The following LDHB variants were observed in gnomAD, a reference collection of about 807,000 sequenced individuals.
The protein encoded by LDHB is L-lactate dehydrogenase B chain.
In LDHB, 18 loss-of-function variants were observed where a neutral mutation model predicts 33.4. The ratio of observed to expected loss-of-function variants is 0.54; its 90% CI spans 0.37 to 0.80. LDHB has a LOEUF of 0.80. Among genes scored for constraint, LDHB ranks in the 30% least tolerant of loss-of-function variants. The probability of loss-of-function intolerance (pLI) is 0.00; values close to 1 mark genes in which losing one functional copy is unlikely to be tolerated. For missense variants in LDHB, 345 were observed against 407.9 expected (o/e 0.85, Z 1.33); for synonymous variants, 121 against 140.6 (o/e 0.86, Z 0.98).
intron 5 of LDHB, among the ~76,000 whole-genome samples, chr12:21,639,571 G>A (rs192169906): frequency 6.6e-6 from 1 of 152,020 alleles, no homozygotes; most frequent in East Asian, 1.9e-4. Flanking sequence ...ACTACACCTA[G>A]CATTTACTGA....
In LDHB at chr12:21,654,563, C is replaced by T. The variant is rs1407995253; in HGVS notation, c.109G>A (p.Ala37Thr). Residue 37 changes from alanine (A) to threonine (T), a missense_variant, in exon 2 of 8, where the codon GCT becomes ACT. Ala to Thr is a moderately conservative substitution (Grantham distance 58, BLOSUM62 0). Transcript: ENST00000350669. ...TGTACCTTTCCCAGAATGCTGATAG[C>T]ACACGCCATACCAACTTGTCCAACA... ...VGVGQVGMAC[A>T]ISILGKSLAD... 1 of 1,614,128 alleles carries T rather than the reference C, an allele frequency of 6.2e-7. No homozygotes were observed. Among genetic ancestry groups the T allele is most frequent in the Non-Finnish European group, 8.5e-7 (1 of 1,179,976 alleles).
chr12:21,654,627 T>G lies in LDHB; in HGVS notation c.45A>C (p.Glu15Asp). ...TCTTATTGTTTGGAACTGTTGCCTC[T>G]TCTTCCGCAACTGGTGCAATGAGTT... is the stretch of plus-strand genomic sequence containing the variant. ...KEKLIAPVAEEEATVPNNKIT... is the reference protein window; with the variant it reads ...KEKLIAPVAEDEATVPNNKIT... Residue 15 changes from glutamate (E) to aspartate (D), a missense_variant, in exon 2 of 8, where the codon GAA (glutamate) becomes GAC (aspartate). Physicochemically the swap from Glu to Asp is conservative, Grantham distance 45. Transcript: ENST00000350669. 2 of 1,614,004 alleles carry G rather than the reference T, an allele frequency of 1.2e-6. No homozygotes were observed. Among genetic ancestry groups the G allele is most frequent in the African/African-American group, 1.3e-5 (1 of 75,054 alleles).
intron 5 of LDHB, among the ~76,000 whole-genome samples, chr12:21,640,799 T>C (rs1179523228): frequency 2.0e-5 from 3 of 151,934 alleles, no homozygotes; most frequent in Admixed American, 2.0e-4. Flanking sequence ...TGGTGCAATT[T>C]ATTGTGCAAG....
chr12:21,644,453 A>AAAAAAAAAAAAACC (rs371337937), intron 3 of LDHB, among the ~76,000 whole-genome samples: 20 of 113,126 alleles, frequency 1.8e-4, no homozygotes, highest in African/African-American at 5.2e-4. Flanking sequence ...AAACAAAAAC[A>AAAAAAAAAAAAACC]AAAACCAATT....
At chr12:21,656,499 G>C (rs193238982) in intron 1 of LDHB, among the ~76,000 whole-genome samples, 1 of 152,154 alleles carries the variant, frequency 6.6e-6, no homozygotes, top group Admixed American at 6.5e-5. Context: ...GTTGTTAGAT[G>C]GTCTGTTTAC....
chr12:21,637,009 T>C (rs1938236911), intron 7 of LDHB, 62 bp downstream of exon 7: 4 of 1,358,968 alleles, frequency 2.9e-6, no homozygotes, highest in Non-Finnish European at 4.2e-6. Context: ...CCTCTTTAAA[T>C]GAATCTTTTT....
At position 21,638,420 on chromosome 12, in the gene LDHB, T is replaced by A. The variant is rs1938275393; in HGVS notation, c.646A>T (p.Asn216Tyr). 6.2e-7 allele frequency: 1 copy of A among 1,612,186 alleles called. No homozygotes were observed. Among genetic ancestry groups the A allele is most frequent in the African/African-American group, 1.3e-5 (1 of 74,874 alleles). Residue 216 changes from asparagine to tyrosine, a missense_variant, in exon 6 of 8, where the codon AAT becomes TAT. Coordinates refer to ENST00000350669, the MANE Select transcript of LDHB (RefSeq NM_002300.8). ...TCATTGTCAGTTCCCATTTCTGGAT[T>A]CAATTCCTGGAGAGAAACACCTGCC... ...NVAGVSLQELNPEMGTDNDSE... is the reference protein window; with the variant it reads ...NVAGVSLQELYPEMGTDNDSE...
chr12:21,649,343 ATT>A (rs1938616476), intron 2 of LDHB, among the ~76,000 whole-genome samples: 1 of 152,230 alleles, frequency 6.6e-6, no homozygotes, highest in Non-Finnish European at 1.5e-5. Flanking sequence ...GTAACACTGA[ATT>A]TAGCTGCATC....
chr12:21,646,882 G>A lies in LDHB; in HGVS notation c.247+17C>T, dbSNP rs1211404490. ...TGAAAAAAATATTAGATCACTTTGGGCATTAAGTGAAATTACCTTTATCTG... is the reference window on the plus strand; with the variant it reads ...TGAAAAAAATATTAGATCACTTTGGACATTAAGTGAAATTACCTTTATCTG... On this transcript the variant is annotated intron_variant, in intron 3 of 7. Coordinates refer to ENST00000350669, the MANE Select transcript of LDHB (RefSeq NM_002300.8). The A allele has an allele frequency of 3.6e-6, 5 of 1,387,872 alleles. No homozygotes were observed. The highest frequency in any genetic ancestry group is 5.1e-6 in the Non-Finnish European group (5 of 973,774). 86.0% of individuals were successfully genotyped at this position (1,387,872 alleles called of 1,614,324 possible).
chr12:21,641,264 G>A (rs552856702), intron 5 of LDHB, among the ~76,000 whole-genome samples: 1 of 152,174 alleles, frequency 6.6e-6, no homozygotes, highest in South Asian at 2.1e-4. Context: ...ACCAATTGTT[G>A]GCCACACTGA....
intron 2 of LDHB, 84 bp downstream of exon 2, chr12:21,654,459 G>T: frequency 7.7e-7 from 1 of 1,303,394 alleles, no homozygotes; most frequent in Non-Finnish European, 1.1e-6. Flanking sequence ...ATCTTTTAAA[G>T]ATATAATAAA....
chr12:21,651,115 G>A (rs1033218168), intron 2 of LDHB, among the ~76,000 whole-genome samples: 5 of 152,318 alleles, frequency 3.3e-5, no homozygotes, highest in African/African-American at 9.6e-5. Context: ...GCATTTGGGA[G>A]GCAGAAAGCA....
chr12:21,654,217 T>C (rs1233102033), intron 2 of LDHB: 1 of 331,190 alleles, frequency 3.0e-6, no homozygotes, highest in Admixed American at 4.4e-5. Flanking sequence ...CACATGATCT[T>C]GGACTGAGGT....
intron 4 of LDHB, among the ~76,000 whole-genome samples, chr12:21,643,099 G>T (rs570243744): frequency 6.6e-6 from 1 of 152,278 alleles, no homozygotes; most frequent in African/African-American, 2.4e-5. Context: ...CTCCAATCTT[G>T]GTTTGCAGAA....
In LDHB at chr12:21,639,915, T is replaced by C. The variant is rs1410799595; in HGVS notation, c.596-1445A>G. On this transcript the variant is annotated intron_variant, in intron 5 of 7. Transcript: ENST00000350669. ...GCATTCTTATATAAAAAATCAGAAA[T>C]AAATTATGCTACAACTTCAAGAACA... is the stretch of plus-strand genomic sequence containing the variant. Among the ~76,000 whole-genome samples, 4 of 151,938 alleles carry C rather than the reference T, an allele frequency of 2.6e-5. No homozygotes were observed. The East Asian group carries it at 7.7e-4, about 29-fold the overall frequency.
chr12:21,652,702 G>C (rs1206120200), intron 2 of LDHB, among the ~76,000 whole-genome samples: 4 of 148,036 alleles, frequency 2.7e-5, no homozygotes, highest in African/African-American at 1.1e-4. Flanking sequence ...CAAAAGGATA[G>C]GGAGCTGCTA....
intron 5 of LDHB, among the ~76,000 whole-genome samples, chr12:21,639,810 A>G (rs940221026): frequency 6.6e-6 from 1 of 152,050 alleles, no homozygotes; most frequent in Non-Finnish European, 1.5e-5. Flanking sequence ...GGACCATTAC[A>G]ATTAACCAGA....
intron 1 of LDHB, 60 bp from the exon 2 acceptor site, chr12:21,654,737 C>A: frequency 2.1e-6 from 3 of 1,418,736 alleles, no homozygotes; most frequent in Non-Finnish European, 3.0e-6. Context: ...AAATAGAAAT[C>A]ATCCTTAAAA....
intron 2 of LDHB, among the ~76,000 whole-genome samples, chr12:21,647,836 A>G (rs1483734839): frequency 3.3e-5 from 5 of 151,988 alleles, no homozygotes; most frequent in African/African-American, 1.2e-4. Context: ...AGCTGGGATT[A>G]CAGGTACGTG....
Sources: allele counts gnomAD v4.1 joint callset (sites outside exome capture counted in the v4.1 genomes callset), GRCh38; gene constraint gnomAD v4.1.1; transcripts MANE v1.5; gene names NCBI Gene and HGNC (gene_info 2026-07-23, HGNC 2026-07-21).